SGK3: variants seen among roughly 807,000 people sequenced by gnomAD.
SGK3 encodes the protein serum/glucocorticoid regulated kinase family member 3.
SGK3 carries 47 observed loss-of-function variants against 68.5 expected under a neutral mutation model. The ratio of observed to expected loss-of-function variants is 0.69; its 90% CI spans 0.54 to 0.87. SGK3 has a LOEUF of 0.87. Ranked by LOEUF, SGK3 falls within the 40% of genes least tolerant of loss-of-function variation. SGK3 has a pLI of 0.00. For missense variants in SGK3, 479 were observed against 575.5 expected, an observed-to-expected ratio of 0.83 and a Z score of 1.72; for synonymous variants, 181 against 189.1, an observed-to-expected ratio of 0.96 and a Z score of 0.35.
intron 15 of SGK3, among the ~76,000 whole-genome samples, chr8:66,848,400 G>A (rs1330820011): frequency 6.6e-5 from 10 of 152,134 alleles, no homozygotes; most frequent in Non-Finnish European, 1.5e-4. Context: ...CTTCCTCTCT[G>A]TATTAACTAT....
chr8:66,750,522 TAGTCTTAAGAA>T (rs1274310384), intron 1 of SGK3, among the ~76,000 whole-genome samples: 42 of 151,918 alleles, frequency 2.8e-4, no homozygotes, highest in African/African-American at 1.0e-3. Flanking sequence ...GGTTCGTATT[TAGTCTTAAGAA>T]ATGTGATAGC....
intron 6 of SGK3, among the ~76,000 whole-genome samples, chr8:66,824,217 T>G (rs1808963533): frequency 6.6e-6 from 1 of 152,122 alleles, no homozygotes; most frequent in Admixed American, 6.5e-5. Flanking sequence ...TCTCTGTAGC[T>G]GGTCAAAAGA....
chr8:66,741,287 C>A (rs762817716), intron 1 of SGK3, among the ~76,000 whole-genome samples: 1 of 152,058 alleles, frequency 6.6e-6, no homozygotes, highest in South Asian at 2.1e-4. Flanking sequence ...CGGTGGCTCA[C>A]GCCTGTAATT....
At chr8:66,786,027 A>G (rs1290723833) in intron 1 of SGK3, among the ~76,000 whole-genome samples, 1 of 152,022 alleles carries the variant, frequency 6.6e-6, no homozygotes, top group East Asian at 1.9e-4. Context: ...TTTTTGTTCT[A>G]TTCTTTCTTA....
chr8:66,738,662 C>G (rs1338776272), intron 1 of SGK3, among the ~76,000 whole-genome samples: 1 of 151,300 alleles, frequency 6.6e-6, no homozygotes, highest in Non-Finnish European at 1.5e-5. Flanking sequence ...GAGTCTTGCT[C>G]TGTCACCCAA....
In SGK3 at chr8:66,835,847, G is replaced by T; in HGVS notation, c.609+1G>T. 6.2e-7 allele frequency: 1 copy of T among 1,610,104 alleles called. No individual in the cohort carries two copies. Among genetic ancestry groups the T allele is most frequent in the Non-Finnish European group, 8.5e-7 (1 of 1,179,066 alleles). On this transcript the variant is annotated splice_donor_variant, in intron 9 of 16. Coordinates refer to ENST00000521198, the MANE Select transcript of SGK3 (RefSeq NM_001033578.3). LOFTEE classifies it high-confidence loss of function. ...AAAAATAGTTCTCAACAGAAAAGAG[G>T]TAAAATAAAATAGTTGTTTCTCTCA...
intron 1 of SGK3, among the ~76,000 whole-genome samples, chr8:66,745,686 A>C (rs988871353): frequency 2.0e-5 from 3 of 152,208 alleles, no homozygotes; most frequent in Non-Finnish European, 4.4e-5. Flanking sequence ...AGAATGCCTG[A>C]GACTGGGTAA....
intron 1 of SGK3, among the ~76,000 whole-genome samples, chr8:66,713,846 G>A (rs1395883112): frequency 6.6e-6 from 1 of 152,156 alleles, no homozygotes; most frequent in Non-Finnish European, 1.5e-5. Flanking sequence ...GAAGTTTTAG[G>A]CATGTTTTAG....
chr8:66,736,708 C>T (rs1417843932), intron 1 of SGK3, among the ~76,000 whole-genome samples: 1 of 151,976 alleles, frequency 6.6e-6, no homozygotes, highest in Admixed American at 6.6e-5. Flanking sequence ...CAACCTCTGC[C>T]TCCAAGGTTC....
chr8:66,785,125 G>A (rs751741304), intron 1 of SGK3, among the ~76,000 whole-genome samples: 5 of 152,220 alleles, frequency 3.3e-5, no homozygotes, highest in African/African-American at 9.6e-5. Flanking sequence ...TTTCCTGTGC[G>A]TGACTTTCTT....
intron 3 of SGK3, among the ~76,000 whole-genome samples, chr8:66,803,546 T>G (rs1808036437): frequency 6.6e-6 from 1 of 151,584 alleles, no homozygotes; most frequent in Admixed American, 6.6e-5. Context: ...ATCAAACTTA[T>G]AATGAAAATA....
intron 1 of SGK3, among the ~76,000 whole-genome samples, chr8:66,760,203 ATGG>A (rs1806114256): frequency 6.6e-6 from 1 of 151,308 alleles, no homozygotes. Context: ...AGACGAGGTC[ATGG>A]TGGCAGAAAC....
intron 5 of SGK3, among the ~76,000 whole-genome samples, chr8:66,816,007 A>T (rs1298843336): frequency 3.3e-5 from 5 of 150,462 alleles, no homozygotes; most frequent in Admixed American, 2.7e-4. Flanking sequence ...TTTAAACTTA[A>T]TTTTTTTTTT....
At chr8:66,734,566 C>T (rs112764215) in intron 1 of SGK3, among the ~76,000 whole-genome samples, 2,932 of 152,072 alleles carry the variant, frequency 0.019, 68 homozygotes, top group South Asian at 0.044. Flanking sequence ...TATTAAAGTT[C>T]GTTTATCATA....
chr8:66,783,642 C>A (rs1807082074), intron 1 of SGK3, among the ~76,000 whole-genome samples: 1 of 152,158 alleles, frequency 6.6e-6, no homozygotes, highest in South Asian at 2.1e-4. Flanking sequence ...CTCAGCCTCC[C>A]GAGTAGCTGA....
chr8:66,859,279 G>C, intron 16 of SGK3, 132 bp from the exon 17 acceptor site: 1 of 1,142,228 alleles, frequency 8.8e-7, no homozygotes, highest in Non-Finnish European at 1.1e-6. Flanking sequence ...GTTGCAGTGA[G>C]CCAAGATCGC....
At chr8:66,821,211 C>T (rs1808799652) in intron 5 of SGK3, among the ~76,000 whole-genome samples, 1 of 151,962 alleles carries the variant, frequency 6.6e-6, no homozygotes, top group African/African-American at 2.4e-5. Context: ...TTCTTCATAG[C>T]CATTTCCTCA....
At chr8:66,718,382 C>T (rs1804701613) in intron 1 of SGK3, among the ~76,000 whole-genome samples, 2 of 151,720 alleles carry the variant, frequency 1.3e-5, no homozygotes, top group South Asian at 4.2e-4. Flanking sequence ...GATTCAATTT[C>T]CAACTCAGCA....
At chr8:66,839,453 T>C (rs1450472167) in intron 10 of SGK3, among the ~76,000 whole-genome samples, 1 of 134,114 alleles carries the variant, frequency 7.5e-6, no homozygotes, top group Non-Finnish European at 1.6e-5. Context: ...CTAATTCAGA[T>C]TTTTTGAAAA....
Sources: gnomAD v4.1 joint callset for allele counts (sites outside exome capture counted in the v4.1 genomes callset) on GRCh38, gnomAD v4.1.1 for gene constraint, MANE v1.5 for transcripts, NCBI Gene and HGNC (gene_info 2026-07-23, HGNC 2026-07-21) for gene names.